Variants in CENPP observed in about 807,000 individuals in gnomAD.
CENPP encodes the protein centromere protein P.
Under a neutral mutation model 35.6 loss-of-function variants are expected in CENPP, and 24 were observed. The observed-to-expected ratio is 0.67, with a 90% confidence interval of 0.49 to 0.95. The LOEUF (loss-of-function observed/expected upper bound fraction) is 0.95, where lower values mean the gene tolerates loss of function less well. CENPP is among the 40% of genes least tolerant of loss of function. The probability of loss-of-function intolerance (pLI) is 0.00; values close to 1 mark genes in which losing one functional copy is unlikely to be tolerated. For synonymous variants in CENPP, 120 were observed against 125.5 expected, an observed-to-expected ratio of 0.96 and a Z score of 0.29; for missense variants, 332 against 345.3, an observed-to-expected ratio of 0.96 and a Z score of 0.31.
At chr9:92,371,485 G>A (rs1026712452) in intron 4 of CENPP, among the ~76,000 whole-genome samples, 10 of 152,140 alleles carry the variant, frequency 6.6e-5, no homozygotes, top group African/African-American at 2.2e-4. Context: ...CACATGCTAT[G>A]ATTTTGATTT....
At chr9:92,350,947 A>C (rs988606330) in intron 4 of CENPP, among the ~76,000 whole-genome samples, 3 of 152,224 alleles carry the variant, frequency 2.0e-5, no homozygotes, top group Non-Finnish European at 4.4e-5. Context: ...CACAGAGAAC[A>C]TGAAATCATT....
chr9:92,500,682 T>C (rs754788336), intron 5 of CENPP: 11 of 1,550,108 alleles, frequency 7.1e-6, no homozygotes, highest in Non-Finnish European at 9.6e-6. Flanking sequence ...TCATATATTT[T>C]GCCAACCAAA....
At chr9:92,440,891 TC>T (rs1440597203) in intron 5 of CENPP, among the ~76,000 whole-genome samples, 2 of 152,180 alleles carry the variant, frequency 1.3e-5, no homozygotes, top group African/African-American at 2.4e-5. Flanking sequence ...TCACTTAACA[TC>T]GTCAATGGGT....
chr9:92,390,949 A>T (rs1168435098), intron 5 of CENPP, among the ~76,000 whole-genome samples: 1 of 152,164 alleles, frequency 6.6e-6, no homozygotes, highest in African/African-American at 2.4e-5. Flanking sequence ...TCACTTCAGC[A>T]CCATGTGTTG....
chr9:92,615,533 G>A lies in CENPP; in HGVS notation c.*2384G>A, dbSNP rs1851403847. On this transcript the variant is annotated 3_prime_UTR_variant, in exon 8 of 8. Coordinates refer to ENST00000375587, the MANE Select transcript of CENPP (RefSeq NM_001012267.3). ...TAAGGCTTTTCGCATTAGAGAATCA[G>A]ACATGAGCCCTGGTTGGGAAAGAAG... 3.0e-6 allele frequency: 1 copy of A among 338,722 alleles called. No homozygotes were observed. The highest frequency in any genetic ancestry group is 5.5e-6 in the Non-Finnish European group (1 of 182,022). The allele number at this position is 338,722 out of a possible 1,614,324, so 21.0% of individuals were successfully genotyped here.
intron 6 of CENPP, 45 bp downstream of exon 6, chr9:92,611,438 A>G (rs1412075486): frequency 6.7e-7 from 1 of 1,487,708 alleles, no homozygotes; most frequent in Non-Finnish European, 9.2e-7. Flanking sequence ...CTGTTCAAAC[A>G]AGGATTCCAA....
intron 5 of CENPP, among the ~76,000 whole-genome samples, chr9:92,411,456 G>A (rs1184806967): frequency 2.6e-5 from 4 of 151,918 alleles, no homozygotes; most frequent in Middle Eastern, 6.8e-3. Flanking sequence ...CACCATGCCC[G>A]GTTACTTTTT....
In CENPP at chr9:92,551,968, GA is replaced by G. The variant is rs1283349044; in HGVS notation, c.565-59345del. Among the ~76,000 whole-genome samples the G allele has an allele frequency of 3.1e-5, 3 of 97,946 alleles. 1 individual carries two copies. The highest frequency in any genetic ancestry group is 5.9e-5 in the Non-Finnish European group (3 of 51,002). 64.3% of individuals were successfully genotyped at this position (97,946 alleles called of 152,430 possible). On this transcript the variant is annotated intron_variant, in intron 5 of 7. Coordinates refer to ENST00000375587, the MANE Select transcript of CENPP (RefSeq NM_001012267.3). ...ATATATATATGATATATATATGTGT[GA>G]TATATATGTGTGTGTATATATGTGA... is the stretch of plus-strand genomic sequence containing the variant.
At position 92,481,272 on chromosome 9, in the gene CENPP, A is replaced by G. The variant is rs144390523; in HGVS notation, c.564+101413A>G. Among the ~76,000 whole-genome samples, 1,293 of 152,342 alleles carry G rather than the reference A, an allele frequency of 8.5e-3. 8 individuals carry two copies. The highest frequency in any genetic ancestry group is 0.012 in the Non-Finnish European group (828 of 68,022). On this transcript the variant is annotated intron_variant, in intron 5 of 7. Transcript: ENST00000375587. ...CCTCTGTTCTTTCCACTACTACACTATACTCCTTAATGCCAAAAAACAAAC... is the reference window on the plus strand; with the variant it reads ...CCTCTGTTCTTTCCACTACTACACTGTACTCCTTAATGCCAAAAAACAAAC...
At chr9:92,546,166 C>T (rs139695310) in intron 5 of CENPP, among the ~76,000 whole-genome samples, 2 of 152,142 alleles carry the variant, frequency 1.3e-5, no homozygotes, top group South Asian at 2.1e-4. Context: ...TCTAGCTCAG[C>T]GATTGTAAAC....
chr9:92,415,158 T>C, intron 5 of CENPP: 1 of 1,602,636 alleles, frequency 6.2e-7, no homozygotes, highest in African/African-American at 1.3e-5. Context: ...CTTGCTATTC[T>C]TGATTTTCAT....
At chr9:92,540,072 T>C (rs1849281698) in intron 5 of CENPP, among the ~76,000 whole-genome samples, 1 of 152,198 alleles carries the variant, frequency 6.6e-6, no homozygotes. Context: ...ATTTTTAAAG[T>C]GCACAGTTAA....
At chr9:92,335,221 G>A (rs1460370719) in intron 2 of CENPP, among the ~76,000 whole-genome samples, 1 of 152,134 alleles carries the variant, frequency 6.6e-6, no homozygotes, top group Admixed American at 6.5e-5. Flanking sequence ...GTACTGAACT[G>A]AAAATTTATC....
At chr9:92,422,729 T>C (rs185821130) in intron 5 of CENPP, among the ~76,000 whole-genome samples, 1 of 152,302 alleles carries the variant, frequency 6.6e-6, no homozygotes, top group African/African-American at 2.4e-5. Context: ...TTTTCATCTA[T>C]ATGCTCATTA....
At chr9:92,416,685 A>C (rs763657865) in intron 5 of CENPP, 1 of 1,611,392 alleles carries the variant, frequency 6.2e-7, no homozygotes, top group Non-Finnish European at 8.5e-7. Context: ...GCTTGCTTCA[A>C]TTTGTTGTGT....
intron 5 of CENPP, among the ~76,000 whole-genome samples, chr9:92,523,401 A>G (rs970317060): frequency 6.6e-6 from 1 of 152,230 alleles, no homozygotes; most frequent in African/African-American, 2.4e-5. Flanking sequence ...GCCATAGACA[A>G]TATGTTGGGG....
chr9:92,474,524 A>G, intron 5 of CENPP: 1 of 1,474,972 alleles, frequency 6.8e-7, no homozygotes, highest in Non-Finnish European at 8.9e-7. Flanking sequence ...AAACTTATAC[A>G]CTCAGATTAT....
At chr9:92,457,216 A>T in intron 5 of CENPP, 10 of 1,548,272 alleles carry the variant, frequency 6.5e-6, no homozygotes, top group Non-Finnish European at 8.8e-6. Context: ...ACCATTATTA[A>T]TAGAGTTCAA....
At chr9:92,509,747 A>G in intron 5 of CENPP, 2 of 730,428 alleles carry the variant, frequency 2.7e-6, no homozygotes, top group Non-Finnish European at 4.1e-6. Flanking sequence ...TTACCAGTCA[A>G]TAGTTAAAAG....
Sources: allele counts gnomAD v4.1 joint callset (sites outside exome capture counted in the v4.1 genomes callset), GRCh38; gene constraint gnomAD v4.1.1; transcripts MANE v1.5; gene names NCBI Gene and HGNC (gene_info 2026-07-23, HGNC 2026-07-21).